Variants in SCML4 observed in about 807,000 individuals in gnomAD.
SCML4 encodes the protein sex comb on midleg-like protein 4.
SCML4 carries 34 observed loss-of-function variants against 41.1 expected under a neutral mutation model. The ratio of observed to expected loss-of-function variants is 0.83; its 90% CI spans 0.63 to 1.10. The LOEUF (loss-of-function observed/expected upper bound fraction) is 1.10, where lower values mean the gene tolerates loss of function less well. SCML4 is among the 50% of genes least tolerant of loss of function. The pLI is 0.00. For missense variants in SCML4, 522 were observed against 534.1 expected (o/e 0.98, Z 0.22); for synonymous variants, 214 against 220.9 (o/e 0.97, Z 0.28).
intron 5 of SCML4, among the ~76,000 whole-genome samples, chr6:107,740,636 G>A (rs370743390): frequency 6.6e-6 from 1 of 152,190 alleles, no homozygotes; most frequent in Non-Finnish European, 1.5e-5. Flanking sequence ...GGGCAGTCTG[G>A]AGGTGCGAGA....
rs1783258500 is a variant in SCML4, at chr6:107,802,638, A to AAG, written c.-60+21487_-60+21488insCT. 4.8e-3 allele frequency among the ~76,000 whole-genome samples: 292 copies of AAG among 60,322 alleles called. 2 individuals carry two copies. Among genetic ancestry groups the AAG allele is most frequent in the African/African-American group, 0.011 (143 of 12,654 alleles). The allele number at this position is 60,322 out of a possible 152,430, so 39.6% of individuals were successfully genotyped here. On this transcript the variant is annotated intron_variant, in intron 1 of 7. Coordinates refer to ENST00000369020, the MANE Select transcript of SCML4 (RefSeq NM_198081.5). ...AGGAAGGAAGGAAGGAAGGAAGGAA[A>AAG]GAAAATTGGAAAGGCTCCTCCTCTC...
At chr6:107,817,686 AC>A (rs2114299329) in intron 1 of SCML4, among the ~76,000 whole-genome samples, 1 of 150,692 alleles carries the variant, frequency 6.6e-6, no homozygotes, top group East Asian at 2.0e-4. Context: ...CTATCAGATC[AC>A]TTTTAGTTAA....
chr6:107,795,691 C>G (rs1782656328), intron 1 of SCML4, among the ~76,000 whole-genome samples: 1 of 152,126 alleles, frequency 6.6e-6, no homozygotes, highest in Non-Finnish European at 1.5e-5. Context: ...CCACACCTGG[C>G]TAATTTTTTT....
At chr6:107,788,380 G>A (rs1327746684) in intron 1 of SCML4, among the ~76,000 whole-genome samples, 1 of 152,152 alleles carries the variant, frequency 6.6e-6, no homozygotes, top group Non-Finnish European at 1.5e-5. Context: ...GTCATAATTG[G>A]TAAACCCTGT....
the SCML4 span, among the ~76,000 whole-genome samples, chr6:107,836,865 A>G: frequency 6.6e-6 from 1 of 152,132 alleles, no homozygotes; most frequent in African/African-American, 2.4e-5. Flanking sequence ...TACATTTGGG[A>G]AGTTGCCTGG....
rs1773357363 is a variant in SCML4, at chr6:107,703,659, C to A, written c.*1541G>T. Among the ~76,000 whole-genome samples the A allele has an allele frequency of 6.6e-6, 1 of 152,112 alleles. No individual in the cohort carries two copies. Among genetic ancestry groups the A allele is most frequent in the Admixed American group, 6.5e-5 (1 of 15,272 alleles). ...TGATCAAGCGGTGAGGAGGTTGAGC[C>A]CCCACCCTGCTCCACTTGCCAGCTG... On this transcript the variant is annotated 3_prime_UTR_variant, in exon 8 of 8. Coordinates refer to ENST00000369020, the MANE Select transcript of SCML4 (RefSeq NM_198081.5).
chr6:107,786,673 T>C (rs1781920599), intron 1 of SCML4, among the ~76,000 whole-genome samples: 2 of 152,202 alleles, frequency 1.3e-5, no homozygotes, highest in African/African-American at 4.8e-5. Flanking sequence ...AAATGATGTA[T>C]GAACAAATGA....
chr6:107,809,488 A>G (rs904621193), intron 1 of SCML4, among the ~76,000 whole-genome samples: 7 of 152,226 alleles, frequency 4.6e-5, no homozygotes, highest in African/African-American at 1.7e-4. Context: ...GAGTCTGAGG[A>G]AGGGCCACCA....
intron 6 of SCML4, among the ~76,000 whole-genome samples, chr6:107,711,874 C>T (rs1188169577): frequency 2.0e-5 from 3 of 152,132 alleles, no homozygotes; most frequent in Non-Finnish European, 2.9e-5. Context: ...GTGCCTGAGA[C>T]GTGCATGCTG....
chr6:107,836,147 C>T, the SCML4 span, among the ~76,000 whole-genome samples: 69 of 152,092 alleles, frequency 4.5e-4, 1 homozygote, highest in African/African-American at 1.5e-3. Flanking sequence ...TGTTCCCATG[C>T]TTTAAGATGT....
intron 5 of SCML4, among the ~76,000 whole-genome samples, chr6:107,727,943 C>A (rs1776153241): frequency 1.3e-5 from 2 of 152,166 alleles, no homozygotes; most frequent in African/African-American, 4.8e-5. Context: ...CAGTATCTGG[C>A]ATGATGCCTG....
chr6:107,763,480 A>G (rs1439343789), intron 2 of SCML4, among the ~76,000 whole-genome samples: 1 of 150,318 alleles, frequency 6.7e-6, no homozygotes, highest in African/African-American at 2.5e-5. Flanking sequence ...TCCATCTCCC[A>G]GGTTCAAGCG....
chr6:107,825,719 T>C (rs950711545), upstream of SCML4, among the ~76,000 whole-genome samples: 1 of 151,452 alleles, frequency 6.6e-6, no homozygotes, highest in Non-Finnish European at 1.5e-5. Flanking sequence ...GGCGGGTGGA[T>C]CACGAGGTCA....
chr6:107,811,835 G>A (rs1487213453), intron 1 of SCML4, among the ~76,000 whole-genome samples: 4 of 152,162 alleles, frequency 2.6e-5, no homozygotes, highest in Non-Finnish European at 4.4e-5. Context: ...ACATGAAAAC[G>A]TCCAGCTTCC....
the SCML4 span, among the ~76,000 whole-genome samples, chr6:107,833,927 G>A: frequency 6.6e-6 from 1 of 152,090 alleles, no homozygotes; most frequent in Non-Finnish European, 1.5e-5. Flanking sequence ...AAATGAGTTA[G>A]GCTGAATATG....
intron 1 of SCML4, among the ~76,000 whole-genome samples, chr6:107,791,953 C>T (rs1456866842): frequency 2.0e-5 from 3 of 151,972 alleles, no homozygotes; most frequent in African/African-American, 7.3e-5. Context: ...CAGAGTGAGA[C>T]CCCGTCTCAA....
At chr6:107,771,147 A>G (rs1167142103) in intron 2 of SCML4, among the ~76,000 whole-genome samples, 1 of 152,114 alleles carries the variant, frequency 6.6e-6, no homozygotes, top group African/African-American at 2.4e-5. Flanking sequence ...CCTCCCACCT[A>G]CTGATTTTAT....
rs554696162 is a variant in SCML4, at chr6:107,703,744, C to T, written c.*1456G>A. On this transcript the variant is annotated 3_prime_UTR_variant, in exon 8 of 8. Coordinates refer to ENST00000369020, the MANE Select transcript of SCML4 (RefSeq NM_198081.5). ...GTGCCTTTTCTGATTCACCTTTGGG[C>T]GAAGGGAGGCCCTGAGTCATCCCTA... Among the ~76,000 whole-genome samples, 11 of 152,294 alleles carry T rather than the reference C, an allele frequency of 7.2e-5. No individual in the cohort carries two copies. The South Asian group carries it at 1.7e-3, about 23-fold the overall frequency.
At chr6:107,723,368 A>G (rs577719805) in intron 5 of SCML4, among the ~76,000 whole-genome samples, 99 of 152,226 alleles carry the variant, frequency 6.5e-4, no homozygotes, top group Non-Finnish European at 1.3e-3. Flanking sequence ...ATGATAAAGT[A>G]TTGAATATCT....
Sources: gnomAD v4.1 joint callset for allele counts (sites outside exome capture counted in the v4.1 genomes callset) on GRCh38, gnomAD v4.1.1 for gene constraint, MANE v1.5 for transcripts, NCBI Gene and HGNC (gene_info 2026-07-23, HGNC 2026-07-21) for gene names.